Variants in GPC6 observed in about 807,000 individuals in gnomAD.
The protein encoded by GPC6 is glypican-6.
GPC6 carries 14 observed loss-of-function variants against 55.2 expected under a neutral mutation model. The observed-to-expected ratio is 0.25, with a 90% confidence interval of 0.17 to 0.40. The LOEUF is 0.40. Ranked by LOEUF, GPC6 falls within the 10% of genes least tolerant of loss-of-function variation. The pLI, the probability that GPC6 is intolerant of heterozygous loss-of-function variation, is 1.00. For synonymous variants in GPC6, 278 were observed against 259.6 expected (o/e 1.07, Z -0.68); for missense variants, 641 against 708.5 (o/e 0.90, Z 1.08).
intron 3 of GPC6, among the ~76,000 whole-genome samples, chr13:93,929,434 G>A (rs1426516566): frequency 3.9e-5 from 6 of 152,150 alleles, no homozygotes; most frequent in African/African-American, 1.4e-4. Flanking sequence ...TATATCATCA[G>A]TTTAATCAGT....
intron 1 of GPC6, among the ~76,000 whole-genome samples, chr13:93,419,630 C>A (rs1032062664): frequency 6.6e-6 from 1 of 152,070 alleles, no homozygotes; most frequent in Admixed American, 6.6e-5. Flanking sequence ...CATCTCCATG[C>A]GGATTGAATC....
At chr13:94,135,494 C>G (rs1304583682) in intron 4 of GPC6, among the ~76,000 whole-genome samples, 2 of 152,096 alleles carry the variant, frequency 1.3e-5, no homozygotes, top group Non-Finnish European at 2.9e-5. Flanking sequence ...CAATTTAATT[C>G]AGAAGCATTT....
chr13:93,575,550 G>C (rs1157892326), intron 2 of GPC6, among the ~76,000 whole-genome samples: 3 of 152,078 alleles, frequency 2.0e-5, no homozygotes, highest in African/African-American at 7.2e-5. Context: ...GGTCCATGGA[G>C]CATCCTTTGA....
chr13:93,725,954 A>G (rs1883621125), intron 2 of GPC6, among the ~76,000 whole-genome samples: 1 of 152,090 alleles, frequency 6.6e-6, no homozygotes, highest in South Asian at 2.1e-4. Context: ...ATGGGTCTGT[A>G]TTAATTAGAA....
intron 3 of GPC6, among the ~76,000 whole-genome samples, chr13:93,851,922 A>G (rs548462536): frequency 6.6e-6 from 1 of 151,844 alleles, no homozygotes; most frequent in South Asian, 2.1e-4. Context: ...TGAAGTTTTT[A>G]TGATAGTTAT....
At chr13:93,373,424 T>G (rs1474715338) in intron 1 of GPC6, among the ~76,000 whole-genome samples, 1 of 152,194 alleles carries the variant, frequency 6.6e-6, no homozygotes, top group Non-Finnish European at 1.5e-5. Context: ...AGGGATCTAA[T>G]TCAGAGACAA....
At chr13:94,014,392 A>G (rs1037925144) in intron 3 of GPC6, among the ~76,000 whole-genome samples, 1 of 152,190 alleles carries the variant, frequency 6.6e-6, no homozygotes, top group Non-Finnish European at 1.5e-5. Flanking sequence ...ACATGGGTAA[A>G]TACAGCCTCT....
At chr13:93,859,509 G>A (rs986987793) in intron 3 of GPC6, among the ~76,000 whole-genome samples, 4 of 151,612 alleles carry the variant, frequency 2.6e-5, no homozygotes, top group African/African-American at 9.7e-5. Flanking sequence ...TGAGAAAAAA[G>A]TTGGGTGATT....
intron 1 of GPC6, among the ~76,000 whole-genome samples, chr13:93,535,440 T>C (rs920877757): frequency 3.3e-5 from 5 of 152,186 alleles, no homozygotes; most frequent in African/African-American, 1.2e-4. Flanking sequence ...TTTGAGGCAC[T>C]GCTGGTCACA....
intron 1 of GPC6, among the ~76,000 whole-genome samples, chr13:93,432,210 C>T (rs909679650): frequency 9.9e-5 from 15 of 152,126 alleles, no homozygotes; most frequent in Admixed American, 3.3e-4. Context: ...TATATGTAAG[C>T]GTTGCCTTTA....
intron 5 of GPC6, among the ~76,000 whole-genome samples, chr13:94,296,723 C>A (rs1205886486): frequency 1.3e-5 from 2 of 152,190 alleles, no homozygotes; most frequent in Admixed American, 6.5e-5. Flanking sequence ...TTGCCCATTT[C>A]TGTGGTGTAA....
chr13:93,721,283 T>C (rs920064436), intron 2 of GPC6, among the ~76,000 whole-genome samples: 2 of 151,878 alleles, frequency 1.3e-5, no homozygotes, highest in African/African-American at 4.8e-5. Context: ...CTTGTTGAAT[T>C]GATCCCTTTA....
chr13:93,929,106 A>C (rs1262225639), intron 3 of GPC6, among the ~76,000 whole-genome samples: 1 of 152,134 alleles, frequency 6.6e-6, no homozygotes, highest in African/African-American at 2.4e-5. Context: ...GTTATGTCAG[A>C]TCTTCACTGT....
At position 94,256,357 on chromosome 13, in the gene GPC6, A is replaced by G. The variant is rs1007560314; in HGVS notation, c.878-29992A>G. ...CAGAATGAGGGGACCCTTGAAAGAC[A>G]ACTAAAGAGTGTTCATGTTTTTCCT... On this transcript the variant is annotated intron_variant, in intron 4 of 8. Coordinates refer to ENST00000377047, the MANE Select transcript of GPC6 (RefSeq NM_005708.5). 2.0e-5 allele frequency among the ~76,000 whole-genome samples: 3 copies of G among 152,188 alleles called. No homozygotes were observed. The East Asian group carries it at 5.8e-4, about 29-fold the overall frequency.
chr13:93,239,338 T>C (rs1176735254), intron 1 of GPC6, among the ~76,000 whole-genome samples: 1 of 151,954 alleles, frequency 6.6e-6, no homozygotes, highest in Non-Finnish European at 1.5e-5. Context: ...AATTTATTCA[T>C]TTACTCTAGA....
At chr13:93,354,373 CAG>C (rs1880759714) in intron 1 of GPC6, among the ~76,000 whole-genome samples, 2 of 58,116 alleles carry the variant, frequency 3.4e-5, no homozygotes, top group Admixed American at 4.6e-4. Flanking sequence ...TTTTTTGAGA[CAG>C]AGTCTCGCTG....
At chr13:93,881,897 T>C (rs1875002093) in intron 3 of GPC6, among the ~76,000 whole-genome samples, 1 of 152,052 alleles carries the variant, frequency 6.6e-6, no homozygotes, top group Admixed American at 6.6e-5. Flanking sequence ...CTAGGACACA[T>C]ACAATGTAAT....
intron 2 of GPC6, among the ~76,000 whole-genome samples, chr13:93,613,509 AACACAC>A (rs369082922): frequency 1.4e-5 from 2 of 142,854 alleles, no homozygotes; most frequent in Admixed American, 7.5e-5. Context: ...CAGACAAGCA[AACACAC>A]ACACACACAC....
At chr13:93,676,209 A>C (rs1344520475) in intron 2 of GPC6, among the ~76,000 whole-genome samples, 2 of 137,266 alleles carry the variant, frequency 1.5e-5, no homozygotes, top group African/African-American at 5.3e-5. Flanking sequence ...GTATGTATGT[A>C]TATGTGTATA....
Sources: allele counts gnomAD v4.1 joint callset (sites outside exome capture counted in the v4.1 genomes callset), GRCh38; gene constraint gnomAD v4.1.1; transcripts MANE v1.5; gene names NCBI Gene and HGNC (gene_info 2026-07-23, HGNC 2026-07-21).